The following GPR107 variants were observed in gnomAD, a reference collection of about 807,000 sequenced individuals.
GPR107 encodes the protein G protein-coupled receptor 107.
Under a neutral mutation model 75.5 loss-of-function variants are expected in GPR107, and 31 were observed. The ratio of observed to expected loss-of-function variants is 0.41; its 90% CI spans 0.31 to 0.55. The LOEUF (loss-of-function observed/expected upper bound fraction) is 0.55, where lower values mean the gene tolerates loss of function less well. Ranked by LOEUF, GPR107 falls within the 20% of genes least tolerant of loss-of-function variation. The probability of loss-of-function intolerance (pLI) is 0.26; values close to 1 mark genes in which losing one functional copy is unlikely to be tolerated. For synonymous variants in GPR107, 267 were observed against 251.3 expected (o/e 1.06, Z -0.59); for missense variants, 572 against 665.7 (o/e 0.86, Z 1.55).
At chr9:130,114,029 CTTTT>C (rs60616601) in intron 14 of GPR107, among the ~76,000 whole-genome samples, 64 of 90,686 alleles carry the variant, frequency 7.1e-4, no homozygotes, top group Middle Eastern at 6.7e-3. Flanking sequence ...TCTTCTCATT[CTTTT>C]TTTTTTTTTT....
rs371553503 is a variant in GPR107, at chr9:130,054,032, G to A, written c.100G>A (p.Ala34Thr). Residue 34 changes from alanine to threonine, a missense_variant, in exon 1 of 18, where the codon GCC (alanine) becomes ACC (threonine). By Grantham distance (58) the Ala-to-Thr change is moderately conservative. Transcript: ENST00000347136. ...AATGCTGGGTTTGCTGCAGTTGCTG[G>A]CCGAGCCTGGCCTGGGCCGCGTCCA... ...LPMLGLLQLL[A>T]EPGLGRVHHL... The A allele has an allele frequency of 2.9e-5, 45 of 1,554,718 alleles. No homozygotes were observed. In the African/African-American group the frequency reaches 5.7e-4, roughly 20 times the overall value.
At chr9:130,122,123 C>T (rs1831562865) in intron 14 of GPR107, among the ~76,000 whole-genome samples, 1 of 152,288 alleles carries the variant, frequency 6.6e-6, no homozygotes, top group East Asian at 1.9e-4. Flanking sequence ...GATCTCCTGA[C>T]CCCGTGATCC....
chr9:130,127,041 G>A (rs776650366), intron 15 of GPR107, among the ~76,000 whole-genome samples: 8 of 152,192 alleles, frequency 5.3e-5, no homozygotes, highest in Non-Finnish European at 1.2e-4. Context: ...TGTGGACCTC[G>A]AATGCTTGCA....
chr9:130,069,999 TTTTTTTTTTTTTA>T (rs1243720721), intron 1 of GPR107, among the ~76,000 whole-genome samples: 5 of 43,046 alleles, frequency 1.2e-4, no homozygotes, highest in Non-Finnish European at 2.1e-4. Flanking sequence ...TTTTTTTTTT[TTTTTTTTTTTTTA>T]AATTTTTTTG....
At chr9:130,100,744 TACAAG>T (rs1390619165) in intron 11 of GPR107, 42 bp downstream of exon 11, 1 of 1,447,286 alleles carries the variant, frequency 6.9e-7, no homozygotes, top group Non-Finnish European at 9.7e-7. Flanking sequence ...TGAAATGACA[TACAAG>T]ACAAGGGGGG....
At position 130,104,549 on chromosome 9, in the gene GPR107, T is replaced by C; in HGVS notation, c.1261T>C (p.Trp421Arg). ...CCGAILFPVV[W>R]SIRHLQEASA... ...TGGTGCCATCCTCTTCCCAGTGGTGTGGTGAGTAGCTCACAGGGAGGGAGG... is the reference window on the plus strand; with the variant it reads ...TGGTGCCATCCTCTTCCCAGTGGTGCGGTGAGTAGCTCACAGGGAGGGAGG... The change falls in exon 13 of 18, where the codon TGG becomes CGG. Residue 421 changes from tryptophan (W) to arginine (R), a missense_variant and splice_region_variant. Physicochemically the swap from Trp to Arg is moderately radical, Grantham distance 101. Transcript: ENST00000347136. The C allele has an allele frequency of 6.2e-7, 1 of 1,613,604 alleles. No homozygotes were observed.
At chr9:130,109,655 T>C (rs10121431) in intron 14 of GPR107, among the ~76,000 whole-genome samples, 53,617 of 150,544 alleles carry the variant, frequency 0.36, 9,607 homozygotes, top group Non-Finnish European at 0.4. Flanking sequence ...CTGCTACCTC[T>C]GCCTCCCAGC....
chr9:130,062,660 G>GCCTGCCTGCCTGCCTTCCTTCCTT (rs1300037621), intron 1 of GPR107, among the ~76,000 whole-genome samples: 23 of 69,112 alleles, frequency 3.3e-4, no homozygotes, highest in Admixed American at 5.7e-4. Context: ...CTGCCTGCCT[G>GCCTGCCTGCCTGCCTTCCTTCCTT]CCTTCCTTCC....
At position 130,131,061 on chromosome 9, in the gene GPR107, C is replaced by T. The variant is rs73670514; in HGVS notation, c.1562+2300C>T. Among the ~76,000 whole-genome samples, 1,250 of 152,180 alleles carry T rather than the reference C, an allele frequency of 8.2e-3. 14 individuals are homozygous for T. Among genetic ancestry groups the T allele is most frequent in the African/African-American group, 0.029 (1,189 of 41,520 alleles). The stretch of plus-strand genomic sequence containing the variant: ...ATGTCAAGGAAAGAACGCTTATCTG[C>T]GGCGGTCGGATGTTGGCCCTTCAGC... On this transcript the variant is annotated intron_variant, in intron 17 of 17. Transcript: ENST00000347136.
intron 1 of GPR107, among the ~76,000 whole-genome samples, chr9:130,072,280 G>A (rs561276315): frequency 1.0e-4 from 15 of 150,394 alleles, no homozygotes; most frequent in Admixed American, 7.3e-4. Flanking sequence ...GTGCAGTGGC[G>A]TGATCTCGGC....
chr9:130,056,736 T>C (rs917383433), intron 1 of GPR107, among the ~76,000 whole-genome samples: 2 of 151,182 alleles, frequency 1.3e-5, no homozygotes, highest in African/African-American at 4.9e-5. Flanking sequence ...CCATCCTGGC[T>C]AACAAGGTGA....
intron 17 of GPR107, among the ~76,000 whole-genome samples, chr9:130,133,954 A>G (rs1479261753): frequency 6.6e-6 from 1 of 152,084 alleles, no homozygotes; most frequent in Non-Finnish European, 1.5e-5. Context: ...TGCACTCTAG[A>G]TGGGTCACAT....
Position 130,119,522 on chromosome 9 carries a change from C to T in GPR107, c.1307-5393C>T, listed in dbSNP as rs561646998. ...CTTCTGCCTTAACAGGTGAAGAAAC[C>T]GAGGCTCAGAGAGGGTTAGCTGACT... On this transcript the variant is annotated intron_variant, in intron 14 of 17. Transcript: ENST00000347136. Among the ~76,000 whole-genome samples the T allele has an allele frequency of 5.3e-5, 8 of 152,186 alleles. No homozygotes were observed. The East Asian group carries it at 5.8e-4, about 11-fold the overall frequency.
chr9:130,104,272 A>C (rs186786641), intron 12 of GPR107, 148 bp from the exon 13 acceptor site: 1 of 637,582 alleles, frequency 1.6e-6, no homozygotes, highest in African/African-American at 1.8e-5. Context: ...GGAGTGGCAG[A>C]GTTCTGGAAG....
rs1354573523 is a variant in GPR107 at position 130,138,542 on chromosome 9, T to G, written c.*3421T>G. On this transcript the variant is annotated 3_prime_UTR_variant, in exon 18 of 18. Coordinates refer to ENST00000347136, the MANE Select transcript of GPR107 (RefSeq NM_020960.5). ...TCCTCCACCTCTTTCTCCTCCTCCT[T>G]CCCTCCTCCTCCCTCCTCTTCCCTT... is the stretch of plus-strand genomic sequence containing the variant. 3 of 144,066 alleles carry G rather than the reference T, an allele frequency of 2.1e-5. No homozygotes were observed. The highest frequency in any genetic ancestry group is 3.0e-5 in the Non-Finnish European group (2 of 65,874). 8.9% of individuals were successfully genotyped at this position (144,066 alleles called of 1,614,324 possible). A position where few individuals can be genotyped will look rare whatever the true frequency, so the allele number is the denominator to read the frequency against.
intron 13 of GPR107, among the ~76,000 whole-genome samples, chr9:130,105,304 A>C (rs909139035): frequency 1.2e-4 from 18 of 150,158 alleles, no homozygotes; most frequent in African/African-American, 4.4e-4. Context: ...CCCAGGGTGG[A>C]GTGCAATGGC....
At chr9:130,110,785 A>G (rs1037176888) in intron 14 of GPR107, among the ~76,000 whole-genome samples, 1 of 152,102 alleles carries the variant, frequency 6.6e-6, no homozygotes, top group Non-Finnish European at 1.5e-5. Flanking sequence ...GGGAGTGGGC[A>G]TGCTTCCAGT....
rs376381396 is a variant in GPR107 at position 130,086,403 on chromosome 9, C to T, written c.565-17C>T. ...TATGCCGGTGTCATCCTAAAACATA[C>T]TATTATGTCTTTTTAGGCCATGGGA... On this transcript the variant is annotated splice_polypyrimidine_tract_variant and intron_variant, in intron 6 of 17. Transcript: ENST00000347136. The T allele has an allele frequency of 7.8e-7, 1 of 1,279,936 alleles. No homozygotes were observed. Among genetic ancestry groups the T allele is most frequent in the Non-Finnish European group, 1.1e-6 (1 of 876,608 alleles). 79.3% of individuals were successfully genotyped at this position (1,279,936 alleles called of 1,614,324 possible). A position where few individuals can be genotyped will look rare whatever the true frequency, so the allele number is the denominator to read the frequency against.
At chr9:130,127,859 T>C (rs1393510857) in intron 16 of GPR107, among the ~76,000 whole-genome samples, 3 of 152,176 alleles carry the variant, frequency 2.0e-5, no homozygotes, top group Non-Finnish European at 4.4e-5. Context: ...TGCACCACCA[T>C]GCCCAGTTAA....
Sources: allele counts gnomAD v4.1 joint callset (sites outside exome capture counted in the v4.1 genomes callset), GRCh38; gene constraint gnomAD v4.1.1; transcripts MANE v1.5; gene names NCBI Gene and HGNC (gene_info 2026-07-23, HGNC 2026-07-21).